The following MYRIP variants were observed in gnomAD, a reference collection of about 807,000 sequenced individuals.
The protein encoded by MYRIP is myosin VIIA and Rab interacting protein.
Under a neutral mutation model 98.0 loss-of-function variants are expected in MYRIP, and 49 were observed. The observed-to-expected ratio is 0.50, with a 90% CI of 0.40 to 0.63. The LOEUF (loss-of-function observed/expected upper bound fraction) is 0.63. Among genes scored for constraint, MYRIP ranks in the 30% least tolerant of loss-of-function variants. The pLI is 0.00. For missense variants in MYRIP, 1,004 were observed against 1,058.2 expected, an observed-to-expected ratio of 0.95 and a Z score of 0.71; for synonymous variants, 404 against 409.5, an observed-to-expected ratio of 0.99 and a Z score of 0.16.
At chr3:40,044,410 G>A in intron 3 of MYRIP, 139 bp downstream of exon 3, 1 of 831,898 alleles carries the variant, frequency 1.2e-6, no homozygotes, top group Non-Finnish European at 1.9e-6. Flanking sequence ...TTGCTGAAGA[G>A]AGATGCATGG....
At chr3:39,919,730 G>A (rs1024254671) in intron 2 of MYRIP, among the ~76,000 whole-genome samples, 1 of 147,180 alleles carries the variant, frequency 6.8e-6, no homozygotes, top group Non-Finnish European at 1.5e-5. Context: ...GTGTGTGTGA[G>A]AGAGAGAGAG....
intron 1 of MYRIP, among the ~76,000 whole-genome samples, chr3:39,841,928 C>T (rs1043206861): frequency 2.6e-5 from 4 of 152,146 alleles, no homozygotes; most frequent in Non-Finnish European, 4.4e-5. Flanking sequence ...TCAGGAGGCA[C>T]GGGAGTCAGG....
upstream of MYRIP, among the ~76,000 whole-genome samples, chr3:39,809,151 C>G (rs1436658025): frequency 1.3e-5 from 2 of 152,148 alleles, no homozygotes. Context: ...GTCTTAGATT[C>G]AGGCAGGCCC....
chr3:39,857,175 T>G (rs1431611641), intron 1 of MYRIP, among the ~76,000 whole-genome samples: 1 of 151,122 alleles, frequency 6.6e-6, no homozygotes, highest in African/African-American at 2.4e-5. Context: ...ACCATGCTAC[T>G]GCACTCCAGC....
intron 10 of MYRIP, among the ~76,000 whole-genome samples, chr3:40,194,116 T>G (rs1191695584): frequency 6.6e-6 from 1 of 152,072 alleles, no homozygotes; most frequent in Non-Finnish European, 1.5e-5. Context: ...CTTTATTATT[T>G]TTGTATTTGG....
intron 2 of MYRIP, among the ~76,000 whole-genome samples, chr3:40,005,971 T>C (rs1946624944): frequency 6.6e-6 from 1 of 152,106 alleles, no homozygotes; most frequent in Non-Finnish European, 1.5e-5. Flanking sequence ...AGGCCTTTCA[T>C]GGAGAAATGG....
chr3:39,957,050 C>A (rs1184511528), intron 2 of MYRIP, among the ~76,000 whole-genome samples: 1 of 151,596 alleles, frequency 6.6e-6, no homozygotes, highest in Non-Finnish European at 1.5e-5. Context: ...GCCTACCAAC[C>A]AAAAAAAGTC....
intron 2 of MYRIP, among the ~76,000 whole-genome samples, chr3:39,997,398 A>G (rs1306999760): frequency 6.6e-6 from 1 of 152,098 alleles, no homozygotes; most frequent in Non-Finnish European, 1.5e-5. Context: ...AGAGAATACT[A>G]TAAACACCTC....
Position 39,959,562 on chromosome 3 carries a change from T to C in MYRIP, c.110+58636T>C, listed in dbSNP as rs549285026. Among the ~76,000 whole-genome samples the C allele has an allele frequency of 1.5e-3, 231 of 152,010 alleles. 5 individuals carry two copies. The South Asian group carries it at 0.043, about 28-fold the overall frequency. ...CAGGGAGGGATGGCATTAGGAGATA[T>C]ACCTAATGTAAATGACGAGTTAATG... On this transcript the variant is annotated intron_variant, in intron 2 of 16. Coordinates refer to ENST00000302541, the MANE Select transcript of MYRIP (RefSeq NM_015460.4).
At chr3:40,080,791 CTTTTTTTT>C (rs34610302) in intron 3 of MYRIP, among the ~76,000 whole-genome samples, 1,100 of 93,928 alleles carry the variant, frequency 0.012, 14 homozygotes, top group African/African-American at 0.046. Context: ...ATCCTAACTT[CTTTTTTTT>C]TTTTTTTTTT....
chr3:40,177,929 C>T (rs913436795), intron 8 of MYRIP, among the ~76,000 whole-genome samples: 5 of 152,070 alleles, frequency 3.3e-5, no homozygotes, highest in East Asian at 3.8e-4. Flanking sequence ...TCCTTCCTCA[C>T]GTTCCTTCTC....
chr3:40,041,081 C>G (rs1393482929), intron 2 of MYRIP, among the ~76,000 whole-genome samples: 1 of 127,708 alleles, frequency 7.8e-6, no homozygotes, highest in Non-Finnish European at 1.7e-5. Flanking sequence ...AAACAGGAAT[C>G]CCTGCATCCA....
intron 2 of MYRIP, among the ~76,000 whole-genome samples, chr3:39,985,779 C>T (rs1316687088): frequency 6.6e-6 from 1 of 151,958 alleles, no homozygotes. Context: ...AACTGGATCC[C>T]TTCCTTACAC....
chr3:39,997,675 C>G (rs1212131811), intron 2 of MYRIP, among the ~76,000 whole-genome samples: 2 of 152,212 alleles, frequency 1.3e-5, no homozygotes, highest in African/African-American at 4.8e-5. Context: ...TCCTCCCTAA[C>G]TCATTTTATG....
intron 4 of MYRIP, among the ~76,000 whole-genome samples, chr3:40,158,709 C>G (rs1309682148): frequency 2.6e-4 from 39 of 151,964 alleles, no homozygotes; most frequent in East Asian, 1.4e-3. Context: ...ATTTAGGATA[C>G]TTAGCTCTTC....
intron 3 of MYRIP, among the ~76,000 whole-genome samples, chr3:40,129,688 A>G (rs770862743): frequency 2.6e-5 from 4 of 151,938 alleles, no homozygotes; most frequent in Non-Finnish European, 5.9e-5. Flanking sequence ...TCCCATGTAA[A>G]CTCTTAGTTT....
At chr3:40,002,083 T>C (rs935562710) in intron 2 of MYRIP, among the ~76,000 whole-genome samples, 7 of 152,152 alleles carry the variant, frequency 4.6e-5, no homozygotes, top group Non-Finnish European at 8.8e-5. Context: ...AGGGTGCAAG[T>C]TGTGCCTTAT....
At chr3:40,089,917 G>C (rs898114200) in intron 3 of MYRIP, among the ~76,000 whole-genome samples, 1 of 151,892 alleles carries the variant, frequency 6.6e-6, no homozygotes, top group African/African-American at 2.4e-5. Context: ...GTTTCAGTGG[G>C]AAAAGGTCAA....
intron 1 of MYRIP, among the ~76,000 whole-genome samples, chr3:39,894,838 A>G (rs1287610976): frequency 6.6e-6 from 1 of 152,234 alleles, no homozygotes; most frequent in African/African-American, 2.4e-5. Flanking sequence ...TCTTACGCAG[A>G]TTGAAATGGC....
Sources: gnomAD v4.1 joint callset for allele counts (sites outside exome capture counted in the v4.1 genomes callset) on GRCh38, gnomAD v4.1.1 for gene constraint, MANE v1.5 for transcripts, NCBI Gene and HGNC (gene_info 2026-07-23, HGNC 2026-07-21) for gene names.